SOD2: variants seen among roughly 807,000 people sequenced by gnomAD.
SOD2 encodes the protein superoxide dismutase 2.
In SOD2, 11 loss-of-function variants were observed where a neutral mutation model predicts 27.0. The observed-to-expected ratio is 0.41, with a 90% CI of 0.26 to 0.67. The LOEUF is 0.67. Ranked by LOEUF, SOD2 falls within the 30% of genes least tolerant of loss-of-function variation. SOD2 has a pLI of 0.34. For synonymous variants in SOD2, 105 were observed against 103.0 expected, an observed-to-expected ratio of 1.02 and a Z score of -0.12; for missense variants, 250 against 274.5, an observed-to-expected ratio of 0.91 and a Z score of 0.63.
intron 1 of SOD2, chr6:159,756,146 T>C (rs373689558): frequency 3.9e-5 from 6 of 153,284 alleles, no homozygotes; most frequent in South Asian, 2.1e-4. Context: ...TACAGTTTTT[T>C]CCACCATACA....
chr6:159,751,669 C>G (rs1562466741), intron 1 of SOD2, among the ~76,000 whole-genome samples: 1 of 152,344 alleles, frequency 6.6e-6, no homozygotes, highest in East Asian at 1.9e-4. Context: ...GTGGCTTTCA[C>G]CCTCGGGCTC....
chr6:159,682,671 T>C, intron 4 of SOD2, 33 bp from the exon 5 acceptor site: 1 of 1,588,020 alleles, frequency 6.3e-7, no homozygotes. Context: ...AAACCAACCA[T>C]CAGTTTCAGT....
At chr6:159,711,785 T>C (rs560774609) in intron 1 of SOD2, among the ~76,000 whole-genome samples, 3 of 38,434 alleles carry the variant, frequency 7.8e-5, no homozygotes, top group East Asian at 6.2e-4. Flanking sequence ...TAACCACCAC[T>C]CACATTGCTC....
intron 1 of SOD2, among the ~76,000 whole-genome samples, chr6:159,716,489 G>A (rs949373878): frequency 5.3e-5 from 8 of 152,076 alleles, no homozygotes; most frequent in South Asian, 2.1e-4. Context: ...GCCTCTCCCC[G>A]GAAGGAAAAT....
At position 159,755,303 on chromosome 6, in the gene SOD2, G is replaced by A. The variant is rs144625269; in HGVS notation, c.-336+5734C>T. 7 of 1,614,120 alleles carry A rather than the reference G, an allele frequency of 4.3e-6. No individual in the cohort carries two copies. The Admixed American group carries it at 6.7e-5, about 15-fold the overall frequency. ...GACGTCTGGGTCTGGATTTCACAGG[G>A]AGGGCAACACAACCGAAGATGACTT... On this transcript the variant is annotated intron_variant, in intron 1 of 7. Transcript: ENST00000546087.
At chr6:159,686,383 A>C (rs1780187357) in intron 3 of SOD2, among the ~76,000 whole-genome samples, 1 of 152,354 alleles carries the variant, frequency 6.6e-6, no homozygotes, top group Admixed American at 6.5e-5. Flanking sequence ...ACGGTGGCTC[A>C]CACCTGTAAT....
chr6:159,689,754 T>C (rs1386037065), intron 2 of SOD2, among the ~76,000 whole-genome samples: 1 of 146,144 alleles, frequency 6.8e-6, no homozygotes, highest in African/African-American at 2.5e-5. Context: ...CAGGTCAGGA[T>C]TTCAAGACCG....
At chr6:159,709,991 A>G (rs564390824) in intron 1 of SOD2, among the ~76,000 whole-genome samples, 2 of 151,876 alleles carry the variant, frequency 1.3e-5, no homozygotes, top group East Asian at 3.9e-4. Context: ...GCTGGAAACC[A>G]TCATTCTCAG....
chr6:159,761,404 G>T (rs2114970561), exon 1 of SOD2: 1 of 385,564 alleles, frequency 2.6e-6, no homozygotes, highest in East Asian at 7.7e-5. Flanking sequence ...GTGACGCTAA[G>T]ACGCTCCCGG....
rs374035836 is a variant in SOD2 at position 159,762,027 on chromosome 6, CGAG to C, written c.-1329_-1327del. ...CCGCCCGCGGCAGGCCTGTGGGCTG[CGAG>C]GAGGAGCTTTGCCTAGCTTGCAGGC... On this transcript the variant is annotated 5_prime_UTR_variant, in exon 1 of 8. Transcript: ENST00000546087. 9 of 1,591,422 alleles carry C rather than the reference CGAG, an allele frequency of 5.7e-6. No individual in the cohort carries two copies. In the African/African-American group the frequency reaches 8.1e-5, roughly 14 times the overall value.
chr6:159,735,959 A>T (rs895269526), intron 1 of SOD2, among the ~76,000 whole-genome samples: 3 of 152,086 alleles, frequency 2.0e-5, no homozygotes, highest in Non-Finnish European at 4.4e-5. Flanking sequence ...GGCGACATCA[A>T]ATGATTTGAA....
chr6:159,742,081 T>C, intron 1 of SOD2: 3 of 1,592,032 alleles, frequency 1.9e-6, no homozygotes, highest in Non-Finnish European at 2.6e-6. Context: ...GGATTTTTTT[T>C]TATTAGATGG....
At position 159,692,677 on chromosome 6, in the gene SOD2, C is replaced by G. The variant is rs1583021244; in HGVS notation, c.210G>C (p.Gln70His). ...GGAACCTACCCTTGGCCAACGCCTC[C>G]TGGTACTTCTCCTCGGTGACGTTCA... ...NNLNVTEEKY[Q>H]EALAKGDVTA... Residue 70 changes from glutamine (Q) to histidine (H), a missense_variant, in exon 2 of 5, where the codon CAG (glutamine) becomes CAC (histidine). Gln to His is a conservative substitution (Grantham distance 24). Coordinates refer to ENST00000538183, the MANE Select transcript of SOD2 (RefSeq NM_000636.4). 6.2e-7 allele frequency: 1 copy of G among 1,614,088 alleles called. No individual in the cohort carries two copies. The highest frequency in any genetic ancestry group is 8.5e-7 in the Non-Finnish European group (1 of 1,180,010).
intron 1 of SOD2, chr6:159,726,285 C>G (rs1279147804): frequency 6.5e-6 from 1 of 153,908 alleles, no homozygotes; most frequent in African/African-American, 2.4e-5. Context: ...TCATGTCCTT[C>G]CCCATTTTCT....
In SOD2 at chr6:159,682,390, C is replaced by T; in HGVS notation, c.*103G>A. 1.1e-6 allele frequency: 1 copy of T among 943,016 alleles called. No homozygotes were observed. Among genetic ancestry groups the T allele is most frequent in the Non-Finnish European group, 1.5e-6 (1 of 670,406 alleles). 58.4% of individuals were successfully genotyped at this position (943,016 alleles called of 1,614,324 possible). A position where few individuals can be genotyped will look rare whatever the true frequency, so the allele number is the denominator to read the frequency against. On this transcript the variant is annotated 3_prime_UTR_variant, in exon 5 of 5. Transcript: ENST00000538183. The stretch of plus-strand genomic sequence containing the variant: ...TATGAAATAAGTGACTAAGCAACAT[C>T]AAGAAATGCTACAATAGAGCAGCTT...
At position 159,717,935 on chromosome 6, in the gene SOD2, G is replaced by GTA. The variant is rs146676891; in HGVS notation, c.-116+9192_-116+9193dup. Reference sequence around the variant, plus strand: ...TGTGTGTGTGTGTGTGTGTATATGTGTATATATATATACACTCACACATAC... The same window carrying GTA: ...TGTGTGTGTGTGTGTGTGTATATGTGTATATATATATATACACTCACACATAC... On this transcript the variant is annotated intron_variant, in intron 1 of 2. Coordinates refer to the SOD2 transcript ENST00000401980. Among the ~76,000 whole-genome samples the GTA allele has an allele frequency of 1.0e-3, 152 of 150,322 alleles. 2 individuals carry two copies. The highest frequency in any genetic ancestry group is 3.3e-3 in the African/African-American group (133 of 40,852).
chr6:159,678,228 T>C lies in SOD2; in HGVS notation c.*4265A>G, dbSNP rs6917589. 33,855 of 152,090 alleles carry C rather than the reference T, an allele frequency of 0.22. 4,012 individuals are homozygous for C. The highest frequency in any genetic ancestry group is 0.4 in the East Asian group (2,067 of 5,146). 9.4% of individuals were successfully genotyped at this position (152,090 alleles called of 1,614,324 possible). On this transcript the variant is annotated 3_prime_UTR_variant, in exon 5 of 5. Transcript: ENST00000538183. ...CCATCTGGCTGTTCATCTGTATTCT[T>C]TGAAATATCCTTTACAAGCCAGAGG...
intron 1 of SOD2, among the ~76,000 whole-genome samples, chr6:159,752,564 T>C (rs1016192445): frequency 2.6e-5 from 4 of 152,214 alleles, no homozygotes; most frequent in African/African-American, 9.6e-5. Flanking sequence ...CACTCCTAGA[T>C]TGGCAGATAT....
chr6:159,712,625 A>C (rs555602570), intron 1 of SOD2, among the ~76,000 whole-genome samples: 1 of 140,440 alleles, frequency 7.1e-6, no homozygotes. Context: ...TCTGACCTCC[A>C]TAACCACCTC....
Sources: gnomAD v4.1 joint callset for allele counts (sites outside exome capture counted in the v4.1 genomes callset) on GRCh38, gnomAD v4.1.1 for gene constraint, MANE v1.5 for transcripts, NCBI Gene and HGNC (gene_info 2026-07-23, HGNC 2026-07-21) for gene names.